The following PEX5L variants were observed in gnomAD, a reference collection of about 807,000 sequenced individuals.
PEX5L encodes the protein peroxisomal biogenesis factor 5 like.
PEX5L carries 30 observed loss-of-function variants against 84.0 expected under a neutral mutation model. That is an observed-to-expected ratio of 0.36 (90% CI 0.27 to 0.48). The LOEUF (loss-of-function observed/expected upper bound fraction) is 0.48, where lower values mean the gene tolerates loss of function less well. Among genes scored for constraint, PEX5L ranks in the 20% least tolerant of loss-of-function variants. The pLI is 0.99. For missense variants in PEX5L, 533 were observed against 754.6 expected, an observed-to-expected ratio of 0.71 and a Z score of 3.44; for synonymous variants, 270 against 283.1, an observed-to-expected ratio of 0.95 and a Z score of 0.46.
chr3:179,963,743 G>A (rs1029869299), intron 2 of PEX5L, among the ~76,000 whole-genome samples: 3 of 152,090 alleles, frequency 2.0e-5, no homozygotes, highest in Non-Finnish European at 4.4e-5. Context: ...GTGGCAATCC[G>A]CTGAAGCTGA....
At position 179,796,693 on chromosome 3, in the gene PEX5L, T is replaced by A. The variant is rs1467041977; in HGVS notation, c.*5135A>T. 1 of 152,182 alleles carries A rather than the reference T, an allele frequency of 6.6e-6. No homozygotes were observed. Among genetic ancestry groups the A allele is most frequent in the Non-Finnish European group, 1.5e-5 (1 of 68,022 alleles). The allele number at this position is 152,182 out of a possible 1,614,324, so 9.4% of individuals were successfully genotyped here. A position where few individuals can be genotyped will look rare whatever the true frequency, so the allele number is the denominator to read the frequency against. ...CATGGTCTCACTGAGCTTTGCTCTCTCCCTTTCTGGTCTCCTCATAAAATA... is the reference window on the plus strand; with the variant it reads ...CATGGTCTCACTGAGCTTTGCTCTCACCCTTTCTGGTCTCCTCATAAAATA... On this transcript the variant is annotated 3_prime_UTR_variant, in exon 15 of 15. Transcript: ENST00000467460.
chr3:179,940,541 C>T lies in PEX5L; in HGVS notation c.93+31053G>A, dbSNP rs564284202. On this transcript the variant is annotated intron_variant, in intron 2 of 14. Transcript: ENST00000467460. ...GTCTACGGTTTCTTCAAAGCTTATG[C>T]CATCTGGCTACTGTTTCTTTGAAAT... is the stretch of plus-strand genomic sequence containing the variant. Among the ~76,000 whole-genome samples the T allele has an allele frequency of 1.1e-4, 17 of 152,210 alleles. No individual in the cohort carries two copies. In the South Asian group the frequency reaches 3.1e-3, roughly 28 times the overall value.
intron 8 of PEX5L, among the ~76,000 whole-genome samples, chr3:179,821,908 C>A (rs1204955886): frequency 1.3e-5 from 2 of 152,160 alleles, no homozygotes; most frequent in African/African-American, 2.4e-5. Context: ...CCTCTTCATA[C>A]TTTTCCTACT....
Position 179,801,814 on chromosome 3 carries a change from G to A in PEX5L, c.*14C>T, listed in dbSNP as rs771479702. 4.9e-5 allele frequency: 71 copies of A among 1,463,592 alleles called. No homozygotes were observed. In the South Asian group the frequency reaches 7.1e-4, roughly 15 times the overall value. 90.7% of individuals were successfully genotyped at this position (1,463,592 alleles called of 1,614,324 possible). A position where few individuals can be genotyped will look rare whatever the true frequency, so the allele number is the denominator to read the frequency against. On this transcript the variant is annotated 3_prime_UTR_variant, in exon 15 of 15. Transcript: ENST00000467460. ...CACAGATCAGGGATTATTAGTACTG[G>A]TATTATTCTTTCTTCAAGGATCCAA...
chr3:179,945,654 C>T (rs532181395), intron 2 of PEX5L, among the ~76,000 whole-genome samples: 8 of 152,270 alleles, frequency 5.3e-5, no homozygotes, highest in South Asian at 2.1e-4. Flanking sequence ...AAACATTTAA[C>T]AGAATTGTAC....
intron 2 of PEX5L, among the ~76,000 whole-genome samples, chr3:179,952,513 C>T (rs988416708): frequency 6.6e-6 from 1 of 151,976 alleles, no homozygotes; most frequent in Admixed American, 6.6e-5. Flanking sequence ...TTTTCAATGA[C>T]CCTTTTGAAA....
intron 2 of PEX5L, among the ~76,000 whole-genome samples, chr3:179,938,217 T>A (rs568929255): frequency 6.6e-6 from 1 of 152,340 alleles, no homozygotes; most frequent in East Asian, 1.9e-4. Flanking sequence ...GCTCATGTCA[T>A]CTAGGCAAGA....
At chr3:179,885,000 A>C (rs1290313104) in intron 4 of PEX5L, among the ~76,000 whole-genome samples, 4 of 124,706 alleles carry the variant, frequency 3.2e-5, no homozygotes, top group Non-Finnish European at 3.3e-5. Flanking sequence ...TTTATATAAA[A>C]ACTAGATTTC....
intron 1 of PEX5L, chr3:179,973,597 A>G: frequency 1.0e-6 from 1 of 984,704 alleles, no homozygotes; most frequent in Non-Finnish European, 1.2e-6. Context: ...AAAGCTCTTG[A>G]TTTCCCCTTT....
intron 2 of PEX5L, among the ~76,000 whole-genome samples, chr3:179,924,590 T>G (rs1770832529): frequency 6.6e-6 from 1 of 152,146 alleles, no homozygotes; most frequent in Non-Finnish European, 1.5e-5. Context: ...AGGAAGCAAG[T>G]GGATTTCACC....
chr3:179,891,496 ATAT>A (rs1350390238), intron 3 of PEX5L, among the ~76,000 whole-genome samples: 2 of 152,160 alleles, frequency 1.3e-5, no homozygotes, highest in East Asian at 3.9e-4. Context: ...GAAACAGGAG[ATAT>A]TATGAAGATA....
At chr3:179,924,182 T>G (rs1770706602) in intron 2 of PEX5L, among the ~76,000 whole-genome samples, 1 of 152,184 alleles carries the variant, frequency 6.6e-6, no homozygotes, top group Non-Finnish European at 1.5e-5. Flanking sequence ...TGCCTGAGAC[T>G]TGAGATGAGA....
chr3:179,859,249 C>T (rs1745153907), intron 7 of PEX5L, 92 bp from the exon 8 acceptor site: 9 of 925,182 alleles, frequency 9.7e-6, no homozygotes, highest in Non-Finnish European at 1.5e-5. Context: ...ATTTCACTTC[C>T]CTAGAGTTCA....
At chr3:179,829,334 C>A (rs1731755726) in intron 8 of PEX5L, among the ~76,000 whole-genome samples, 1 of 152,138 alleles carries the variant, frequency 6.6e-6, no homozygotes, top group Non-Finnish European at 1.5e-5. Flanking sequence ...CTTTTAAGTT[C>A]TGTGGTTGGT....
intron 1 of PEX5L, among the ~76,000 whole-genome samples, chr3:180,017,657 ATTTC>A (rs1268313786): frequency 1.3e-5 from 2 of 151,872 alleles, no homozygotes; most frequent in African/African-American, 2.4e-5. Flanking sequence ...AAAATTATTT[ATTTC>A]TTTATTTTAT....
At chr3:180,014,438 C>G (rs955243149) in intron 1 of PEX5L, among the ~76,000 whole-genome samples, 4 of 151,438 alleles carry the variant, frequency 2.6e-5, no homozygotes, top group Non-Finnish European at 4.4e-5. Context: ...CGCCACTGCA[C>G]TCCAGCCTGG....
chr3:179,898,307 C>T (rs1306015269), intron 2 of PEX5L, 61 bp from the exon 3 acceptor site: 3 of 1,166,866 alleles, frequency 2.6e-6, no homozygotes, highest in African/African-American at 1.5e-5. Context: ...TTATTTATTA[C>T]AAGATATTCT....
chr3:179,809,697 A>AT (rs569902648), intron 11 of PEX5L, 29 bp from the exon 12 acceptor site: 884 of 1,484,888 alleles, frequency 6.0e-4, no homozygotes, highest in Non-Finnish European at 7.0e-4. Context: ...CCAATTTCAG[A>AT]TTTTTTTTTG....
intron 1 of PEX5L, among the ~76,000 whole-genome samples, chr3:179,992,138 C>T (rs964077768): frequency 6.6e-6 from 1 of 152,074 alleles, no homozygotes; most frequent in African/African-American, 2.4e-5. Context: ...AGAGTAGAGA[C>T]ACAGAAAGCA....
Sources: gnomAD v4.1 joint callset for allele counts (sites outside exome capture counted in the v4.1 genomes callset) on GRCh38, gnomAD v4.1.1 for gene constraint, MANE v1.5 for transcripts, NCBI Gene and HGNC (gene_info 2026-07-23, HGNC 2026-07-21) for gene names.